Variants in CABCOCO1 observed in about 807,000 individuals in gnomAD.
CABCOCO1 encodes ciliary associated calcium binding coiled-coil 1.
A neutral mutation model predicts 35.7 loss-of-function variants in CABCOCO1; 28 were observed. The observed-to-expected ratio is 0.78, with a 90% CI of 0.58 to 1.07. The LOEUF is 1.07. CABCOCO1 is among the 50% of genes least tolerant of loss of function. The pLI is 0.00. For missense variants in CABCOCO1, 326 were observed against 309.2 expected (o/e 1.05, Z -0.41); for synonymous variants, 95 against 100.1 (o/e 0.95, Z 0.30).
intron 3 of CABCOCO1, chr10:61,684,866 G>A (rs1839906834): frequency 6.6e-6 from 1 of 152,222 alleles, no homozygotes; most frequent in Non-Finnish European, 1.5e-5. Context: ...AAGTAACACT[G>A]AGCATAACAG....
At chr10:61,687,635 C>T in intron 4 of CABCOCO1, among the ~76,000 whole-genome samples, 1 of 152,122 alleles carries the variant, frequency 6.6e-6, no homozygotes, top group Non-Finnish European at 1.5e-5. Context: ...GGCAAATGTT[C>T]ATCTACATAT....
intron 1 of CABCOCO1, among the ~76,000 whole-genome samples, chr10:61,666,640 T>A (rs752054988): frequency 1.3e-5 from 2 of 152,066 alleles, no homozygotes; most frequent in Non-Finnish European, 2.9e-5. Context: ...TCTTCAAAAT[T>A]TTTCTAATAT....
intron 5 of CABCOCO1, among the ~76,000 whole-genome samples, chr10:61,695,622 C>T (rs956196423): frequency 1.8e-4 from 27 of 151,768 alleles, no homozygotes; most frequent in African/African-American, 5.6e-4. Flanking sequence ...TTAAAACCAG[C>T]CATAGAAAAC....
At chr10:61,742,685 T>C (rs1281053181) in intron 5 of CABCOCO1, among the ~76,000 whole-genome samples, 1 of 152,220 alleles carries the variant, frequency 6.6e-6, no homozygotes, top group Non-Finnish European at 1.5e-5. Context: ...CTTATTACAG[T>C]GCCCAGCATA....
At chr10:61,757,421 A>C (rs545617398) in intron 5 of CABCOCO1, among the ~76,000 whole-genome samples, 1 of 152,192 alleles carries the variant, frequency 6.6e-6, no homozygotes, top group South Asian at 2.1e-4. Flanking sequence ...AGCTAAGTGT[A>C]ATTCTTCATA....
chr10:61,680,375 TATAAC>T (rs575065443), intron 2 of CABCOCO1, among the ~76,000 whole-genome samples: 3,669 of 135,086 alleles, frequency 0.027, 194 homozygotes, highest in African/African-American at 0.1. Context: ...TTTATATACA[TATAAC>T]ATATAATATA....
chr10:61,668,052 G>T (rs1445960920), intron 1 of CABCOCO1, among the ~76,000 whole-genome samples: 1 of 151,416 alleles, frequency 6.6e-6, no homozygotes, highest in East Asian at 1.9e-4. Context: ...ATATTTTACT[G>T]GGAGTTTTGC....
intron 5 of CABCOCO1, among the ~76,000 whole-genome samples, chr10:61,733,718 T>G (rs1383262704): frequency 1.3e-5 from 2 of 152,250 alleles, no homozygotes; most frequent in East Asian, 1.9e-4. Flanking sequence ...TCAGAAGATT[T>G]GCAGTTCAAA....
chr10:61,664,081 G>C (rs1051070853), intron 1 of CABCOCO1, among the ~76,000 whole-genome samples: 27 of 152,122 alleles, frequency 1.8e-4, no homozygotes, highest in African/African-American at 6.5e-4. Flanking sequence ...GCTGTTCCCA[G>C]TCGAGATTCC....
At chr10:61,751,785 TACAA>T (rs1329774302) in intron 5 of CABCOCO1, among the ~76,000 whole-genome samples, 2 of 152,282 alleles carry the variant, frequency 1.3e-5, no homozygotes, top group East Asian at 1.9e-4. Flanking sequence ...TCCCTAATTT[TACAA>T]ACAAAGAAAC....
rs548619341 is a variant in CABCOCO1, at chr10:61,670,717, CAA to C, written c.61-1913_61-1912del. On this transcript the variant is annotated intron_variant, in intron 1 of 7. Transcript: ENST00000648843. ...GAAAAACATTTGCCCTCTTTCCCCA[CAA>C]AGTCTCATAATTTTTTATTTTTGTG... 6.9e-4 allele frequency among the ~76,000 whole-genome samples: 105 copies of C among 152,296 alleles called. 1 individual carries two copies. The highest frequency in any genetic ancestry group is 2.4e-3 in the African/African-American group (99 of 41,566).
At chr10:61,756,332 G>A (rs905043618) in intron 5 of CABCOCO1, among the ~76,000 whole-genome samples, 4 of 151,916 alleles carry the variant, frequency 2.6e-5, no homozygotes, top group African/African-American at 9.7e-5. Flanking sequence ...AATGTATATT[G>A]GCAAGTTATG....
At chr10:61,689,796 C>A (rs1840079227) in intron 4 of CABCOCO1, among the ~76,000 whole-genome samples, 1 of 152,098 alleles carries the variant, frequency 6.6e-6, no homozygotes, top group Non-Finnish European at 1.5e-5. Context: ...AATATTATCA[C>A]AAACAGGATA....
chr10:61,672,680 C>T lies in CABCOCO1; in HGVS notation c.109C>T (p.Leu37Phe). The change falls in exon 2 of 8, where the codon CTT (leucine) becomes TTT (phenylalanine). Residue 37 changes from leucine to phenylalanine, a missense_variant. Physicochemically the swap from Leu to Phe is conservative, Grantham distance 22. Coordinates refer to ENST00000648843, the MANE Select transcript of CABCOCO1 (RefSeq NM_001366906.2). ...TGAAAAGATTCTGTCTCCGGATTTT[C>T]TTTCAGTTGCCCAAATCACTGATTT... ...EHEKILSPDFLSVAQITDLLM... is the reference protein window; with the variant it reads ...EHEKILSPDFFSVAQITDLLM... The T allele has an allele frequency of 1.0e-6, 1 of 985,008 alleles. No homozygotes were observed. Among genetic ancestry groups the T allele is most frequent in the South Asian group, 4.7e-5 (1 of 21,278 alleles). The allele number at this position is 985,008 out of a possible 1,614,324, so 61.0% of individuals were successfully genotyped here.
At chr10:61,673,275 T>G (rs1839414065) in intron 2 of CABCOCO1, among the ~76,000 whole-genome samples, 1 of 152,238 alleles carries the variant, frequency 6.6e-6, no homozygotes, top group African/African-American at 2.4e-5. Context: ...TATGTACATC[T>G]CACTCTTTAG....
intron 1 of CABCOCO1, among the ~76,000 whole-genome samples, chr10:61,666,142 C>T (rs970159555): frequency 6.6e-6 from 1 of 152,240 alleles, no homozygotes; most frequent in East Asian, 1.9e-4. Flanking sequence ...AGGAGATCAT[C>T]AACATATCCT....
intron 7 of CABCOCO1, among the ~76,000 whole-genome samples, chr10:61,765,669 T>C (rs1842094137): frequency 6.6e-6 from 1 of 152,234 alleles, no homozygotes; most frequent in African/African-American, 2.4e-5. Flanking sequence ...TAAATTATCC[T>C]ATCTTCCAAC....
Position 61,730,169 on chromosome 10 carries a change from T to TAA in CABCOCO1, c.553-29878_553-29877dup, listed in dbSNP as rs34679268. 8.0e-3 allele frequency among the ~76,000 whole-genome samples: 1,153 copies of TAA among 143,980 alleles called. 1 individual carries two copies. The highest frequency in any genetic ancestry group is 0.01 in the Non-Finnish European group (662 of 65,834). 94.5% of individuals were successfully genotyped at this position (143,980 alleles called of 152,430 possible). A position where few individuals can be genotyped will look rare whatever the true frequency, so the allele number is the denominator to read the frequency against. On this transcript the variant is annotated intron_variant, in intron 5 of 7. Transcript: ENST00000648843. ...TTGGTTTCTAAATACCATTGTCCAATAAAAAAAAAAAAACTAGAGCTTCTT... is the reference window on the plus strand; with the variant it reads ...TTGGTTTCTAAATACCATTGTCCAATAAAAAAAAAAAAAAACTAGAGCTTCTT...
At chr10:61,704,226 AATATATAT>A (rs1033832706) in intron 5 of CABCOCO1, among the ~76,000 whole-genome samples, 1 of 151,340 alleles carries the variant, frequency 6.6e-6, no homozygotes, top group South Asian at 2.1e-4. Flanking sequence ...CCTGTCTAAA[AATATATAT>A]ATATATGCCC....
Sources: gnomAD v4.1 joint callset for allele counts (sites outside exome capture counted in the v4.1 genomes callset) on GRCh38, gnomAD v4.1.1 for gene constraint, MANE v1.5 for transcripts, NCBI Gene and HGNC (gene_info 2026-07-23, HGNC 2026-07-21) for gene names.